PCDHGB7: variants seen among roughly 807,000 people sequenced by gnomAD.
PCDHGB7 encodes the protein protocadherin gamma-B7.
A neutral mutation model predicts 61.4 loss-of-function variants in PCDHGB7; 37 were observed. That is an observed-to-expected ratio of 0.60 (90% CI 0.46 to 0.79). PCDHGB7 has a LOEUF of 0.79. Among genes scored for constraint, PCDHGB7 ranks in the 30% least tolerant of loss-of-function variants. PCDHGB7 has a pLI of 0.00. For missense variants in PCDHGB7, 1,166 were observed against 1,202.5 expected (o/e 0.97, Z 0.45); for synonymous variants, 464 against 503.5 (o/e 0.92, Z 1.05).
intron 1 of PCDHGB7, chr5:141,441,118 G>C (rs1265461098): frequency 6.6e-6 from 1 of 152,212 alleles, no homozygotes; most frequent in Non-Finnish European, 1.5e-5. Flanking sequence ...CCAGTGTACA[G>C]TTGAGACCGA....
intron 3 of PCDHGB7, among the ~76,000 whole-genome samples, chr5:141,507,790 A>C (rs922507228): frequency 5.9e-5 from 9 of 152,188 alleles, no homozygotes; most frequent in Admixed American, 2.6e-4. Context: ...ACCCTCGTCT[A>C]AGCCTGCGCC....
chr5:141,502,098 G>T (rs1341016516), intron 2 of PCDHGB7, among the ~76,000 whole-genome samples: 2 of 152,108 alleles, frequency 1.3e-5, no homozygotes, highest in Non-Finnish European at 2.9e-5. Flanking sequence ...ACCTGGCCTT[G>T]ACCCTGCACC....
chr5:141,449,944 T>C (rs1375717746), intron 1 of PCDHGB7, among the ~76,000 whole-genome samples: 1 of 151,744 alleles, frequency 6.6e-6, no homozygotes, highest in Non-Finnish European at 1.5e-5. Flanking sequence ...TATATTTTAC[T>C]ATACCTCATA....
Position 141,417,900 on chromosome 5 carries a change from G to T in PCDHGB7, c.41G>T (p.Arg14Leu), listed in dbSNP as rs563876979. 1 of 1,583,452 alleles carries T rather than the reference G, an allele frequency of 6.3e-7. No homozygotes were observed. Among genetic ancestry groups the T allele is most frequent in the African/African-American group, 1.3e-5 (1 of 74,244 alleles). The change falls in exon 1 of 4, where the codon CGG (arginine) becomes CTG (leucine). Residue 14 changes from arginine (R) to leucine (L), a missense_variant. Arg to Leu is a moderately radical substitution (Grantham distance 102). Coordinates refer to ENST00000398594, the MANE Select transcript of PCDHGB7 (RefSeq NM_018927.4). ...SCAQRRRAGP[R>L]QVLFPLLLPL... ...GCGCAGAGGCGCCGGGCCGGCCCGC[G>T]GCAGGTACTATTTCCTTTGCTGCTG...
At chr5:141,421,841 AAG>A in intron 1 of PCDHGB7, 1 of 1,613,750 alleles carries the variant, frequency 6.2e-7, no homozygotes. Context: ...GACCGAGAGA[AAG>A]AGGCTGCTCA....
chr5:141,504,963 AC>A (rs1409940135), intron 2 of PCDHGB7, among the ~76,000 whole-genome samples: 1 of 152,038 alleles, frequency 6.6e-6, no homozygotes, highest in Non-Finnish European at 1.5e-5. Context: ...AATGCATTGG[AC>A]CAGCCTGGCC....
chr5:141,496,783 C>T (rs572860852), intron 2 of PCDHGB7, among the ~76,000 whole-genome samples: 1 of 152,162 alleles, frequency 6.6e-6, no homozygotes, highest in East Asian at 1.9e-4. Context: ...GAGCAGGGCC[C>T]TGTGCTAAAC....
intron 1 of PCDHGB7, among the ~76,000 whole-genome samples, chr5:141,438,002 A>G (rs200179547): frequency 1.3e-5 from 2 of 152,072 alleles, no homozygotes; most frequent in East Asian, 1.9e-4. Flanking sequence ...CAGCCTCCCA[A>G]ATAGCTGAGA....
At chr5:141,505,044 C>G (rs1446394128) in intron 2 of PCDHGB7, among the ~76,000 whole-genome samples, 3 of 152,156 alleles carry the variant, frequency 2.0e-5, no homozygotes, top group African/African-American at 7.2e-5. Context: ...TGCCTGTCAT[C>G]CCAGCTACTT....
At chr5:141,494,758 T>A (rs370692038) in intron 1 of PCDHGB7, 49 bp from the exon 2 acceptor site, 2 of 1,613,800 alleles carry the variant, frequency 1.2e-6, no homozygotes, top group Admixed American at 3.3e-5. Context: ...CGGGTGACAT[T>A]CTAACTTCTC....
intron 2 of PCDHGB7, among the ~76,000 whole-genome samples, chr5:141,501,847 C>T (rs976699397): frequency 1.3e-5 from 2 of 152,140 alleles, no homozygotes; most frequent in Admixed American, 6.5e-5. Context: ...GGCCCTCAAC[C>T]TTCAACCATT....
At chr5:141,470,124 G>A (rs1038487398) in intron 1 of PCDHGB7, among the ~76,000 whole-genome samples, 4 of 151,358 alleles carry the variant, frequency 2.6e-5, no homozygotes, top group African/African-American at 9.7e-5. Flanking sequence ...GCAAGACTTC[G>A]TCTCAAAAAA....
At chr5:141,479,798 G>A (rs892288776) in intron 1 of PCDHGB7, among the ~76,000 whole-genome samples, 3 of 152,116 alleles carry the variant, frequency 2.0e-5, no homozygotes, top group African/African-American at 7.2e-5. Flanking sequence ...ATTAATTCAG[G>A]GTGGTATGCA....
chr5:141,441,280 G>A (rs2098237221), intron 1 of PCDHGB7: 1 of 152,090 alleles, frequency 6.6e-6, no homozygotes, highest in East Asian at 1.9e-4. Flanking sequence ...GGGAGAAAAC[G>A]AGGTCACATG....
chr5:141,438,386 T>C (rs757664430), intron 1 of PCDHGB7, among the ~76,000 whole-genome samples: 1 of 151,778 alleles, frequency 6.6e-6, no homozygotes, highest in Admixed American at 6.6e-5. Flanking sequence ...AATTTCTTAG[T>C]TCATCATTAA....
chr5:141,466,195 C>G (rs1269214888), intron 1 of PCDHGB7, among the ~76,000 whole-genome samples: 1 of 151,748 alleles, frequency 6.6e-6, no homozygotes, highest in Non-Finnish European at 1.5e-5. Flanking sequence ...TTTTCAGACA[C>G]AGCCTTGCTC....
chr5:141,423,184 C>A (rs747938944), intron 1 of PCDHGB7: 1 of 1,613,442 alleles, frequency 6.2e-7, no homozygotes, highest in South Asian at 1.1e-5. Flanking sequence ...CCACGGCCAG[C>A]CCCCTCTCTC....
chr5:141,433,162 A>G, intron 1 of PCDHGB7: 1 of 1,613,890 alleles, frequency 6.2e-7, no homozygotes, highest in Non-Finnish European at 8.5e-7. Flanking sequence ...TATTTTCTAA[A>G]GACAGTCATG....
rs991408001 is a variant in PCDHGB7, at chr5:141,450,171, C to G, written c.2415+29897C>G. Among the ~76,000 whole-genome samples, 5 of 151,690 alleles carry G rather than the reference C, an allele frequency of 3.3e-5. No individual in the cohort carries two copies. In the East Asian group the frequency reaches 7.8e-4, roughly 24 times the overall value. ...ACAGGCATGTGCCACCACACTCCCACCACACCCAGCTAATTTTTGTATTTT... is the reference window on the plus strand; with the variant it reads ...ACAGGCATGTGCCACCACACTCCCAGCACACCCAGCTAATTTTTGTATTTT... On this transcript the variant is annotated intron_variant, in intron 1 of 3. Transcript: ENST00000398594.
Sources: gnomAD v4.1 joint callset for allele counts (sites outside exome capture counted in the v4.1 genomes callset) on GRCh38, gnomAD v4.1.1 for gene constraint, MANE v1.5 for transcripts, NCBI Gene and HGNC (gene_info 2026-07-23, HGNC 2026-07-21) for gene names.